The following PRLR variants were observed in gnomAD, a reference collection of about 807,000 sequenced individuals.
PRLR encodes the protein hPRL receptor.
PRLR carries 13 observed loss-of-function variants against 40.2 expected under a neutral mutation model. The observed-to-expected ratio is 0.32, with a 90% CI of 0.21 to 0.51. PRLR has a LOEUF of 0.51. Ranked by LOEUF, PRLR falls within the 20% of genes least tolerant of loss-of-function variation. The probability of loss-of-function intolerance (pLI) is 0.97; values close to 1 mark genes in which losing one functional copy is unlikely to be tolerated. For missense variants in PRLR, 656 were observed against 747.3 expected (o/e 0.88, Z 1.42); for synonymous variants, 269 against 278.7 (o/e 0.97, Z 0.35).
intron 1 of PRLR, among the ~76,000 whole-genome samples, chr5:35,208,176 C>T (rs1006777147): frequency 2.1e-4 from 25 of 116,820 alleles, no homozygotes; most frequent in African/African-American, 5.8e-4. Flanking sequence ...CCCACGCGCG[C>T]GCACACACAC....
intron 2 of PRLR, among the ~76,000 whole-genome samples, chr5:35,105,058 C>T (rs1772146630): frequency 6.6e-6 from 1 of 152,212 alleles, no homozygotes; most frequent in African/African-American, 2.4e-5. Context: ...ATTTGCTGTT[C>T]TGCAATATTT....
At chr5:35,132,430 A>T (rs1000898855) in intron 1 of PRLR, among the ~76,000 whole-genome samples, 1 of 152,194 alleles carries the variant, frequency 6.6e-6, no homozygotes. Flanking sequence ...AATCCCAGAC[A>T]TCATGTTATT....
intron 2 of PRLR, among the ~76,000 whole-genome samples, chr5:35,107,768 C>T (rs770662397): frequency 3.9e-5 from 6 of 152,170 alleles, no homozygotes; most frequent in African/African-American, 9.6e-5. Flanking sequence ...CAGGAGCAGA[C>T]GGATTCACAG....
chr5:35,187,733 T>C (rs980945216), intron 1 of PRLR, among the ~76,000 whole-genome samples: 64 of 152,234 alleles, frequency 4.2e-4, no homozygotes, highest in African/African-American at 1.2e-3. Flanking sequence ...TGAAGCCGCA[T>C]AGCTTTGGGG....
At chr5:35,163,019 C>A (rs1317319142) in intron 1 of PRLR, among the ~76,000 whole-genome samples, 1 of 152,130 alleles carries the variant, frequency 6.6e-6, no homozygotes, top group Non-Finnish European at 1.5e-5. Flanking sequence ...TCCCAGAAAA[C>A]TCCAACCGAC....
intron 1 of PRLR, 23 bp downstream of exon 1, chr5:35,230,245 C>T (rs2111706634): frequency 6.6e-6 from 1 of 152,388 alleles, no homozygotes; most frequent in Non-Finnish European, 1.5e-5. Flanking sequence ...CGGAGGCGGC[C>T]TCAGCTCGCC....
At chr5:35,078,962 T>G (rs866465412) in intron 5 of PRLR, among the ~76,000 whole-genome samples, 2 of 152,156 alleles carry the variant, frequency 1.3e-5, no homozygotes, top group Non-Finnish European at 2.9e-5. Context: ...AAAAACCACA[T>G]GATTATCTCA....
intron 1 of PRLR, among the ~76,000 whole-genome samples, chr5:35,136,950 G>GAAAAAGGAAAA (rs531685805): frequency 1.7e-5 from 2 of 119,942 alleles, no homozygotes; most frequent in African/African-American, 6.0e-5. Flanking sequence ...GAAAGAAAAA[G>GAAAAAGGAAAA]AAAAAAAAAA....
chr5:35,137,405 A>G (rs1395057016), intron 1 of PRLR, among the ~76,000 whole-genome samples: 1 of 152,226 alleles, frequency 6.6e-6, no homozygotes, highest in African/African-American at 2.4e-5. Flanking sequence ...AGGAGCTGAA[A>G]GGGTACCAGA....
chr5:35,066,182 T>C, intron 9 of PRLR, 80 bp from the exon 10 acceptor site: 1 of 1,337,532 alleles, frequency 7.5e-7, no homozygotes, highest in Non-Finnish European at 1.0e-6. Context: ...AGTGGTGCTG[T>C]TCATTGCCAC....
chr5:35,065,084 A>G lies in PRLR; in HGVS notation c.*5T>C. ...TTTTAACCAATCATTCCATTAGTCA[A>G]GCTATCAGTGAAAGGAGTGTGTAAA... On this transcript the variant is annotated 3_prime_UTR_variant, in exon 10 of 10. Coordinates refer to ENST00000618457, the MANE Select transcript of PRLR (RefSeq NM_000949.7). 1 of 1,604,196 alleles carries G rather than the reference A, an allele frequency of 6.2e-7. No individual in the cohort carries two copies. Among genetic ancestry groups the G allele is most frequent in the South Asian group, 1.1e-5 (1 of 90,086 alleles).
chr5:35,226,174 G>C (rs1371856045), intron 1 of PRLR, among the ~76,000 whole-genome samples: 2 of 152,230 alleles, frequency 1.3e-5, no homozygotes, highest in Admixed American at 1.3e-4. Context: ...ACAAATCGTT[G>C]TCAGCATTCA....
At chr5:35,108,816 A>G (rs141505407) in intron 2 of PRLR, among the ~76,000 whole-genome samples, 4,287 of 152,302 alleles carry the variant, frequency 0.028, 102 homozygotes, top group Middle Eastern at 0.1. Context: ...ATTCAATGCC[A>G]TCCCCATCAA....
intron 2 of PRLR, among the ~76,000 whole-genome samples, chr5:35,108,809 C>G (rs1447446353): frequency 1.3e-5 from 2 of 152,194 alleles, no homozygotes; most frequent in Non-Finnish European, 1.5e-5. Context: ...TTTCTAGATT[C>G]AATGCCATCC....
Position 35,065,812 on chromosome 5 carries a change from C to A in PRLR, c.1146G>T (p.Lys382Asn). 1 of 1,614,152 alleles carries A rather than the reference C, an allele frequency of 6.2e-7. No homozygotes were observed. Among genetic ancestry groups the A allele is most frequent in the Non-Finnish European group, 8.5e-7 (1 of 1,180,022 alleles). ...STFYDPEVIEKPENPETTHTW... is the reference protein window; with the variant it reads ...STFYDPEVIENPENPETTHTW... Reference sequence around the variant, plus strand: ...TGTGGGTTGTTTCAGGATTCTCTGGCTTCTCAATGACCTCAGGATCATAGA... The same window carrying A: ...TGTGGGTTGTTTCAGGATTCTCTGGATTCTCAATGACCTCAGGATCATAGA... Residue 382 changes from lysine to asparagine, a missense_variant, in exon 10 of 10, where the codon AAG (lysine) becomes AAT (asparagine). Lys to Asn is a moderately conservative substitution (Grantham distance 94). Transcript: ENST00000618457.
chr5:35,212,016 C>T (rs1269630208), intron 1 of PRLR, among the ~76,000 whole-genome samples: 1 of 152,006 alleles, frequency 6.6e-6, no homozygotes, highest in Non-Finnish European at 1.5e-5. Flanking sequence ...GCTATATGGC[C>T]CAAAAAGCCT....
chr5:35,227,851 G>T (rs908875532), intron 1 of PRLR, among the ~76,000 whole-genome samples: 4 of 152,280 alleles, frequency 2.6e-5, no homozygotes, highest in Admixed American at 2.6e-4. Context: ...GTTTTTAGCT[G>T]CAGGCACAGC....
intron 1 of PRLR, among the ~76,000 whole-genome samples, chr5:35,165,376 G>C: frequency 6.6e-6 from 1 of 152,136 alleles, no homozygotes; most frequent in East Asian, 1.9e-4. Flanking sequence ...CCTTTGAACA[G>C]TTTCTCTGCA....
At chr5:35,082,105 T>A (rs1770563966) in intron 5 of PRLR, 1 of 152,156 alleles carries the variant, frequency 6.6e-6, no homozygotes, top group African/African-American at 2.4e-5. Flanking sequence ...AGTGAGAATC[T>A]CCCCTCACAA....
Sources: gnomAD v4.1 joint callset for allele counts (sites outside exome capture counted in the v4.1 genomes callset) on GRCh38, gnomAD v4.1.1 for gene constraint, MANE v1.5 for transcripts, NCBI Gene and HGNC (gene_info 2026-07-23, HGNC 2026-07-21) for gene names.